The following CNTNAP5 variants were observed in gnomAD, a reference collection of about 807,000 sequenced individuals.
CNTNAP5 encodes contactin associated protein family member 5, also known as contactin-associated protein-like 5.
In CNTNAP5, 72 loss-of-function variants were observed where a neutral mutation model predicts 150.2. The ratio of observed to expected loss-of-function variants is 0.48; its 90% CI spans 0.40 to 0.58. The LOEUF (loss-of-function observed/expected upper bound fraction) is 0.58, where lower values mean the gene tolerates loss of function less well. Among genes scored for constraint, CNTNAP5 ranks in the 20% least tolerant of loss-of-function variants. The pLI is 0.00. For synonymous variants in CNTNAP5, 672 were observed against 619.8 expected (o/e 1.08, Z -1.25); for missense variants, 1,636 against 1,626.2 (o/e 1.01, Z -0.10).
intron 1 of CNTNAP5, among the ~76,000 whole-genome samples, chr2:124,054,392 C>T (rs1295437206): frequency 6.6e-6 from 1 of 152,072 alleles, no homozygotes; most frequent in Non-Finnish European, 1.5e-5. Context: ...GCACTCGGAT[C>T]CCTAGGCTCC....
intron 11 of CNTNAP5, among the ~76,000 whole-genome samples, chr2:124,588,844 A>C (rs1696613913): frequency 6.6e-6 from 1 of 152,194 alleles, no homozygotes; most frequent in South Asian, 2.1e-4. Flanking sequence ...AGGCAGGCAC[A>C]GTGCTTTCTT....
intron 13 of CNTNAP5, among the ~76,000 whole-genome samples, chr2:124,734,647 C>A (rs902571057): frequency 6.6e-6 from 1 of 151,866 alleles, no homozygotes; most frequent in East Asian, 1.9e-4. Flanking sequence ...TAAGAATAAC[C>A]AGAAATTTGG....
intron 3 of CNTNAP5, among the ~76,000 whole-genome samples, chr2:124,290,669 G>A (rs1688263631): frequency 6.6e-6 from 1 of 152,078 alleles, no homozygotes; most frequent in Non-Finnish European, 1.5e-5. Context: ...TTGTTTTCGT[G>A]TAAATTGGGA....
At chr2:124,166,615 C>G (rs1684814607) in intron 1 of CNTNAP5, among the ~76,000 whole-genome samples, 2 of 152,126 alleles carry the variant, frequency 1.3e-5, no homozygotes, top group South Asian at 4.1e-4. Context: ...GGTGGCAGCT[C>G]TATTATTGTG....
intron 6 of CNTNAP5, among the ~76,000 whole-genome samples, chr2:124,471,235 G>A (rs534741339): frequency 2.6e-5 from 4 of 151,530 alleles, no homozygotes; most frequent in South Asian, 2.1e-4. Context: ...TGCTCTCTTC[G>A]ATCTATTTGA....
intron 1 of CNTNAP5, among the ~76,000 whole-genome samples, chr2:124,126,647 G>T (rs185778997): frequency 6.6e-6 from 1 of 152,106 alleles, no homozygotes; most frequent in Admixed American, 6.6e-5. Flanking sequence ...GAACATCAAC[G>T]CAAAATTCCT....
intron 8 of CNTNAP5, among the ~76,000 whole-genome samples, chr2:124,521,290 C>T (rs1406909059): frequency 6.6e-6 from 1 of 152,178 alleles, no homozygotes; most frequent in African/African-American, 2.4e-5. Context: ...TAATAATTTT[C>T]CTCCACAGAG....
chr2:124,704,717 G>T (rs1206850369), intron 13 of CNTNAP5, among the ~76,000 whole-genome samples: 1 of 152,058 alleles, frequency 6.6e-6, no homozygotes, highest in Non-Finnish European at 1.5e-5. Context: ...GGTCTTTGCA[G>T]GAGCCTGTAA....
chr2:124,077,600 G>T (rs1682469045), intron 1 of CNTNAP5, among the ~76,000 whole-genome samples: 1 of 152,296 alleles, frequency 6.6e-6, no homozygotes, highest in South Asian at 2.1e-4. Flanking sequence ...TTGTCACACA[G>T]GGTCAGATCT....
At chr2:124,525,142 A>G (rs888546828) in intron 9 of CNTNAP5, among the ~76,000 whole-genome samples, 5 of 152,264 alleles carry the variant, frequency 3.3e-5, no homozygotes, top group African/African-American at 9.6e-5. Flanking sequence ...TTATAAATGC[A>G]TATCTATATA....
intron 13 of CNTNAP5, among the ~76,000 whole-genome samples, chr2:124,670,234 T>G (rs1558728622): frequency 6.8e-6 from 1 of 146,128 alleles, no homozygotes; most frequent in Non-Finnish European, 1.5e-5. Flanking sequence ...TCTTTCTTTC[T>G]TTCTTTTCTT....
chr2:124,315,884 T>C (rs1017553532), intron 3 of CNTNAP5, among the ~76,000 whole-genome samples: 2 of 152,318 alleles, frequency 1.3e-5, no homozygotes, highest in Middle Eastern at 3.4e-3. Flanking sequence ...TCTAGGAGTT[T>C]CTGGGAAAGA....
At chr2:124,806,623 C>G (rs1474112127) in intron 19 of CNTNAP5, among the ~76,000 whole-genome samples, 1 of 152,156 alleles carries the variant, frequency 6.6e-6, no homozygotes, top group East Asian at 1.9e-4. Context: ...TTCAGCAATG[C>G]TGGTTGCTTA....
chr2:124,156,398 G>A (rs540050695), intron 1 of CNTNAP5, among the ~76,000 whole-genome samples: 22 of 152,342 alleles, frequency 1.4e-4, no homozygotes, highest in Admixed American at 5.2e-4. Flanking sequence ...TCATCATGAT[G>A]TCAATGTTCA....
intron 10 of CNTNAP5, among the ~76,000 whole-genome samples, chr2:124,546,079 A>G (rs1213256369): frequency 6.6e-6 from 1 of 152,146 alleles, no homozygotes; most frequent in Admixed American, 6.5e-5. Flanking sequence ...TCCATCTGGA[A>G]TAGAGGTTGG....
chr2:124,403,132 G>T (rs1691472215), intron 3 of CNTNAP5, among the ~76,000 whole-genome samples: 1 of 152,198 alleles, frequency 6.6e-6, no homozygotes, highest in South Asian at 2.1e-4. Flanking sequence ...GTACTCTTCT[G>T]GGGGGACATC....
intron 11 of CNTNAP5, among the ~76,000 whole-genome samples, chr2:124,569,007 C>A (rs1010923348): frequency 6.6e-6 from 1 of 152,062 alleles, no homozygotes; most frequent in South Asian, 2.1e-4. Flanking sequence ...AAGATCGCGC[C>A]ACTGCACTCC....
At chr2:124,442,013 A>G (rs2104801527) in intron 5 of CNTNAP5, among the ~76,000 whole-genome samples, 1 of 152,292 alleles carries the variant, frequency 6.6e-6, no homozygotes, top group Non-Finnish European at 1.5e-5. Context: ...AATTAAGTTT[A>G]TGGTTTCATT....
intron 2 of CNTNAP5, among the ~76,000 whole-genome samples, chr2:124,225,629 T>G (rs1686438853): frequency 6.6e-6 from 1 of 152,214 alleles, no homozygotes; most frequent in Non-Finnish European, 1.5e-5. Flanking sequence ...TTCTTTGTTT[T>G]GTAGTGAGAA....
Sources: allele counts gnomAD v4.1 joint callset (sites outside exome capture counted in the v4.1 genomes callset), GRCh38; gene constraint gnomAD v4.1.1; transcripts MANE v1.5; gene names NCBI Gene and HGNC (gene_info 2026-07-23, HGNC 2026-07-21).